The following TOP2B variants were observed in gnomAD, a reference collection of about 807,000 sequenced individuals.
The protein encoded by TOP2B is DNA topoisomerase 2-beta.
TOP2B carries 51 observed loss-of-function variants against 193.5 expected under a neutral mutation model. The observed-to-expected ratio is 0.26, with a 90% CI of 0.21 to 0.33. The LOEUF (loss-of-function observed/expected upper bound fraction) is 0.33. Among genes scored for constraint, TOP2B ranks in the 10% least tolerant of loss-of-function variants. The pLI is 1.00. For missense variants in TOP2B, 1,378 were observed against 1,909.3 expected, an observed-to-expected ratio of 0.72 and a Z score of 5.19; for synonymous variants, 634 against 635.7, an observed-to-expected ratio of 1.00 and a Z score of 0.04.
intron 21 of TOP2B, among the ~76,000 whole-genome samples, chr3:25,622,802 G>C (rs979094660): frequency 6.6e-6 from 1 of 151,978 alleles, no homozygotes; most frequent in East Asian, 1.9e-4. Context: ...CAGCACACCC[G>C]GCTAATTTTT....
At chr3:25,605,849 T>C (rs916593562) in intron 32 of TOP2B, among the ~76,000 whole-genome samples, 194 bp downstream of exon 32, 1 of 152,094 alleles carries the variant, frequency 6.6e-6, no homozygotes, top group Non-Finnish European at 1.5e-5. Context: ...ATAATGCCTA[T>C]TTTGACCAAT....
intron 1 of TOP2B, among the ~76,000 whole-genome samples, chr3:25,651,529 AT>A (rs759863773): frequency 1.3e-5 from 2 of 152,154 alleles, no homozygotes; most frequent in Admixed American, 1.3e-4. Context: ...ATATAAAAAA[AT>A]AATCAAAATG....
At chr3:25,630,284 A>T in intron 12 of TOP2B, 28 bp downstream of exon 12, 2 of 1,453,498 alleles carry the variant, frequency 1.4e-6, no homozygotes, top group South Asian at 2.6e-5. Flanking sequence ...ATGTGTGTAT[A>T]CACATATATA....
intron 30 of TOP2B, among the ~76,000 whole-genome samples, chr3:25,607,640 C>T (rs1002872617): frequency 6.6e-6 from 1 of 152,112 alleles, no homozygotes; most frequent in African/African-American, 2.4e-5. Flanking sequence ...TATTGATATA[C>T]TTAATAATTA....
chr3:25,632,603 A>G lies in TOP2B; in HGVS notation c.1129-20T>C, dbSNP rs1285763535. 1.9e-6 allele frequency: 3 copies of G among 1,600,162 alleles called. No individual in the cohort carries two copies. The highest frequency in any genetic ancestry group is 2.6e-6 in the Non-Finnish European group (3 of 1,176,284). ...TTTTACCTGTTGAAAACATACCCAA[A>G]AAAGTCAATATCAGAGCTGATATTT... is the stretch of plus-strand genomic sequence containing the variant. On this transcript the variant is annotated intron_variant, in intron 9 of 35. Coordinates refer to ENST00000264331, the MANE Select transcript of TOP2B (RefSeq NM_001330700.2).
At chr3:25,609,421 T>G (rs1702314418) in intron 29 of TOP2B, 77 bp from the exon 30 acceptor site, 2 of 1,466,388 alleles carry the variant, frequency 1.4e-6, no homozygotes, top group South Asian at 2.7e-5. Flanking sequence ...ATTGTTATAA[T>G]GAAAAGTTCA....
chr3:25,655,008 T>C (rs1304090303), intron 1 of TOP2B, among the ~76,000 whole-genome samples: 1 of 152,168 alleles, frequency 6.6e-6, no homozygotes, highest in African/African-American at 2.4e-5. Flanking sequence ...AATGATTTCA[T>C]GGATATGGCA....
intron 11 of TOP2B, 106 bp downstream of exon 11, chr3:25,630,695 C>CAA: frequency 8.9e-7 from 1 of 1,127,048 alleles, no homozygotes; most frequent in Non-Finnish European, 1.2e-6. Flanking sequence ...AAATCATACT[C>CAA]TGAATGGAAA....
intron 4 of TOP2B, among the ~76,000 whole-genome samples, chr3:25,641,268 A>G (rs1233572544): frequency 6.6e-6 from 1 of 152,166 alleles, no homozygotes; most frequent in Non-Finnish European, 1.5e-5. Context: ...CTTAGTTTTA[A>G]TTAGAGTTGT....
Position 25,636,110 on chromosome 3 carries a change from T to G in TOP2B, c.678A>C (p.Lys226Asn). The G allele has an allele frequency of 1.2e-6, 2 of 1,605,130 alleles. No individual in the cohort carries two copies. The highest frequency in any genetic ancestry group is 1.7e-6 in the Non-Finnish European group (2 of 1,174,814). Residue 226 changes from lysine to asparagine, a missense_variant, in exon 7 of 36, where the codon AAA becomes AAC. Around this residue, in one of 9 missense-constraint regions of TOP2B, gnomAD observed 222 missense variants for 306.6 expected, o/e 0.72. Transcript: ENST00000264331. Reference protein sequence around the residue: ...MNNMMKTSEAKIKHFDGEDYT... With the variant: ...MNNMMKTSEANIKHFDGEDYT... ...AATCTTCACCATCAAAATGTTTAAT[T>G]TTGGCTTCAGAAGTCTTCATCATAT... is the stretch of plus-strand genomic sequence containing the variant.
chr3:25,605,022 A>G (rs1702200926), intron 32 of TOP2B, among the ~76,000 whole-genome samples, 152 bp from the exon 33 acceptor site: 1 of 152,186 alleles, frequency 6.6e-6, no homozygotes. Flanking sequence ...ACAAACAGCT[A>G]AAAATAAAAT....
At chr3:25,625,653 T>C (rs1294842705) in intron 18 of TOP2B, among the ~76,000 whole-genome samples, 3 of 152,230 alleles carry the variant, frequency 2.0e-5, no homozygotes, top group African/African-American at 7.2e-5. Flanking sequence ...TTTTTACATG[T>C]GGCCCAAGAC....
rs149276391 is a variant in TOP2B, at chr3:25,622,547, A to G, written c.2727+968T>C. Reference sequence around the variant, plus strand: ...TACACTTTTCTCCAGGTAATTTTAAATCATGGGGAGGAAGGAAGGACATTT... The same window carrying G: ...TACACTTTTCTCCAGGTAATTTTAAGTCATGGGGAGGAAGGAAGGACATTT... On this transcript the variant is annotated intron_variant, in intron 21 of 35. Transcript: ENST00000264331. 1.1e-3 allele frequency among the ~76,000 whole-genome samples: 167 copies of G among 152,186 alleles called. 1 individual carries two copies. The East Asian group carries it at 0.025, about 23-fold the overall frequency.
At chr3:25,637,120 T>C (rs1177718926) in intron 6 of TOP2B, 95 bp downstream of exon 6, 1 of 890,896 alleles carries the variant, frequency 1.1e-6, no homozygotes, top group Non-Finnish European at 1.7e-6. Flanking sequence ...AATGAAGTTA[T>C]ACAGGCATCA....
rs1489059675 is a variant in TOP2B at position 25,664,575 on chromosome 3, C to T, written c.-278G>A. Reference sequence around the variant, plus strand: ...AAAGCAGGGAGCGACCGGCGGCGGCCGAGCGGCGGCGTTGCCTTCTCGCCC... The same window carrying T: ...AAAGCAGGGAGCGACCGGCGGCGGCTGAGCGGCGGCGTTGCCTTCTCGCCC... On this transcript the variant is annotated 5_prime_UTR_variant, in exon 1 of 36. Transcript: ENST00000264331. 4 of 1,044,970 alleles carry T rather than the reference C, an allele frequency of 3.8e-6. No individual in the cohort carries two copies. Among genetic ancestry groups the T allele is most frequent in the Non-Finnish European group, 4.6e-6 (4 of 869,934 alleles). 64.7% of individuals were successfully genotyped at this position (1,044,970 alleles called of 1,614,324 possible).
At chr3:25,652,164 C>A (rs1005226782) in intron 1 of TOP2B, among the ~76,000 whole-genome samples, 2 of 152,138 alleles carry the variant, frequency 1.3e-5, no homozygotes, top group African/African-American at 4.8e-5. Flanking sequence ...CATTACAGTT[C>A]CCAAATTTAT....
At position 25,611,576 on chromosome 3, in the gene TOP2B, C is replaced by T. The variant is rs185692129; in HGVS notation, c.3786+939G>A. ...AATCAACCTGTCCAAAAACATTAGCCTCTCTAAGACCAACATGCACCCTGT... is the reference window on the plus strand; with the variant it reads ...AATCAACCTGTCCAAAAACATTAGCTTCTCTAAGACCAACATGCACCCTGT... On this transcript the variant is annotated intron_variant, in intron 28 of 35. Transcript: ENST00000264331. Among the ~76,000 whole-genome samples, 19 of 152,256 alleles carry T rather than the reference C, an allele frequency of 1.2e-4. No homozygotes were observed. The East Asian group carries it at 3.7e-3, about 29-fold the overall frequency.
At position 25,606,058 on chromosome 3, in the gene TOP2B, G is replaced by A. The variant is rs1454562451; in HGVS notation, c.4363C>T (p.Gln1455Ter). Residue 1455 changes from glutamine (Q) to a stop codon, truncating the protein, a stop_gained, in exon 32 of 36, where the codon CAG becomes TAG. Coordinates refer to ENST00000264331, the MANE Select transcript of TOP2B (RefSeq NM_001330700.2). LOFTEE classifies it high-confidence loss of function. ...ATGAACATACCATCTTCTGACTTCT[G>A]AGAATATGAAGGAAATGAGAAGAGA... ...GNLFSFPSYS[Q>*]KSEDDSAKFD... 1 of 1,496,138 alleles carries A rather than the reference G, an allele frequency of 6.7e-7. No homozygotes were observed. Among genetic ancestry groups the A allele is most frequent in the South Asian group, 1.3e-5 (1 of 74,914 alleles). The allele number at this position is 1,496,138 out of a possible 1,614,324, so 92.7% of individuals were successfully genotyped here.
chr3:25,654,681 C>T (rs370275196), intron 1 of TOP2B, among the ~76,000 whole-genome samples: 7 of 152,228 alleles, frequency 4.6e-5, no homozygotes, highest in African/African-American at 1.7e-4. Context: ...GATTTCAAAA[C>T]CTGATTTTAC....
Sources: gnomAD v4.1 joint callset for allele counts (sites outside exome capture counted in the v4.1 genomes callset) on GRCh38, gnomAD v4.1.1 for gene constraint, gnomAD v4.1.1 regional missense constraint, MANE v1.5 for transcripts, NCBI Gene and HGNC (gene_info 2026-07-23, HGNC 2026-07-21) for gene names.